The following CTNNA2 variants were observed in gnomAD, a reference collection of about 807,000 sequenced individuals.
The protein encoded by CTNNA2 is catenin alpha 2.
A neutral mutation model predicts 101.0 loss-of-function variants in CTNNA2; 42 were observed. The observed-to-expected ratio is 0.42, with a 90% CI of 0.32 to 0.54. The LOEUF is 0.54. Ranked by LOEUF, CTNNA2 falls within the 20% of genes least tolerant of loss-of-function variation. The pLI is 0.14. For missense variants in CTNNA2, 871 were observed against 1,223.1 expected (o/e 0.71, Z 4.29); for synonymous variants, 450 against 456.4 (o/e 0.99, Z 0.18).
chr2:80,573,555 T>C (rs1407158114), intron 12 of CTNNA2, among the ~76,000 whole-genome samples: 1 of 151,972 alleles, frequency 6.6e-6, no homozygotes, highest in African/African-American at 2.4e-5. Context: ...CCCCCATGTC[T>C]CAAGTCCAGC....
chr2:79,622,313 C>T (rs1049857339), intron 1 of CTNNA2, among the ~76,000 whole-genome samples: 2 of 152,072 alleles, frequency 1.3e-5, no homozygotes, highest in African/African-American at 4.8e-5. Context: ...ATATTTCTTC[C>T]TTTTACATGG....
At chr2:79,704,506 G>T (rs1317874416) in intron 2 of CTNNA2, among the ~76,000 whole-genome samples, 1 of 147,226 alleles carries the variant, frequency 6.8e-6, no homozygotes, top group Non-Finnish European at 1.5e-5. Context: ...ATTCACTTGT[G>T]CTTCTTTTTT....
intron 7 of CTNNA2, among the ~76,000 whole-genome samples, chr2:80,129,015 A>G (rs1391021179): frequency 6.6e-6 from 1 of 152,232 alleles, no homozygotes; most frequent in Non-Finnish European, 1.5e-5. Context: ...CACTTCAAAG[A>G]AAGTATGAAG....
At chr2:80,400,876 C>T (rs1333995958) in intron 8 of CTNNA2, among the ~76,000 whole-genome samples, 1 of 152,274 alleles carries the variant, frequency 6.6e-6, no homozygotes, top group East Asian at 1.9e-4. Context: ...CTCCTGGTAG[C>T]TCCTAGACCC....
Position 80,230,260 on chromosome 2 carries a change from G to GTTTTT in CTNNA2, c.1057-162938_1057-162934dup, listed in dbSNP as rs375509574. 6.9e-3 allele frequency among the ~76,000 whole-genome samples: 834 copies of GTTTTT among 121,580 alleles called. 21 individuals are homozygous for GTTTTT. The highest frequency in any genetic ancestry group is 0.026 in the African/African-American group (793 of 30,360). The allele number at this position is 121,580 out of a possible 152,430, so 79.8% of individuals were successfully genotyped here. On this transcript the variant is annotated intron_variant, in intron 7 of 18. Coordinates refer to ENST00000402739, the MANE Select transcript of CTNNA2 (RefSeq NM_001282597.3). The stretch of plus-strand genomic sequence containing the variant: ...TCTCTCTCTCTCTTTTTTTTTCTTT[G>GTTTTT]TTTTTTTTTTTTTTTTTAAGAGATA...
chr2:80,633,560 C>A (rs1011076760), intron 18 of CTNNA2, among the ~76,000 whole-genome samples: 1 of 152,056 alleles, frequency 6.6e-6, no homozygotes, highest in East Asian at 1.9e-4. Flanking sequence ...CATCAATAGC[C>A]AGGAATAAAG....
At chr2:80,220,710 G>T (rs1708525896) in intron 7 of CTNNA2, among the ~76,000 whole-genome samples, 1 of 152,132 alleles carries the variant, frequency 6.6e-6, no homozygotes, top group Non-Finnish European at 1.5e-5. Context: ...GCTGGTGTAG[G>T]AGCCCACCAT....
intron 3 of CTNNA2, among the ~76,000 whole-genome samples, chr2:79,753,824 T>C (rs994426471): frequency 1.3e-5 from 2 of 152,000 alleles, no homozygotes; most frequent in Non-Finnish European, 1.5e-5. Flanking sequence ...TGAAGTGATA[T>C]GGTGATATCA....
chr2:79,983,696 C>G (rs1691555373), intron 7 of CTNNA2, among the ~76,000 whole-genome samples: 1 of 152,124 alleles, frequency 6.6e-6, no homozygotes, highest in Non-Finnish European at 1.5e-5. Context: ...CTGTGTCTCT[C>G]TTGTATTTCC....
chr2:79,198,968 C>A (rs1327045715), intron 2 of CTNNA2, among the ~76,000 whole-genome samples: 1 of 152,122 alleles, frequency 6.6e-6, no homozygotes, highest in Admixed American at 6.6e-5. Context: ...ATTTTTGTTT[C>A]ATTAACATTG....
chr2:79,976,916 C>G (rs146223678), intron 7 of CTNNA2, among the ~76,000 whole-genome samples: 188 of 152,220 alleles, frequency 1.2e-3, no homozygotes, highest in Middle Eastern at 0.01. Context: ...GGCTTCCTGC[C>G]TTTCAGTGAT....
chr2:79,844,745 T>G (rs773444373), intron 3 of CTNNA2, among the ~76,000 whole-genome samples: 18 of 152,174 alleles, frequency 1.2e-4, no homozygotes, highest in Non-Finnish European at 2.5e-4. Context: ...ACTTGAACTA[T>G]TGATGCAGGC....
At position 80,559,878 on chromosome 2, in the gene CTNNA2, T is replaced by TATCTATCTATCTATCTATATA. The variant is rs1693393440; in HGVS notation, c.1741+3985_1741+3986insATCTATCTATCTATCTATATA. ...GAAAGCACATTCAGCGATATCATAT[T>TATCTATCTATCTATCTATATA]TATATATATATATACACACACATAC... On this transcript the variant is annotated intron_variant, in intron 12 of 18. Coordinates refer to ENST00000402739, the MANE Select transcript of CTNNA2 (RefSeq NM_001282597.3). Among the ~76,000 whole-genome samples, 17 of 114,016 alleles carry TATCTATCTATCTATCTATATA rather than the reference T, an allele frequency of 1.5e-4. 1 individual carries two copies. The highest frequency in any genetic ancestry group is 4.8e-4 in the African/African-American group (16 of 33,130). The allele number at this position is 114,016 out of a possible 152,430, so 74.8% of individuals were successfully genotyped here. A position where few individuals can be genotyped will look rare whatever the true frequency, so the allele number is the denominator to read the frequency against.
At chr2:80,561,166 T>G (rs1449944405) in intron 12 of CTNNA2, among the ~76,000 whole-genome samples, 1 of 152,050 alleles carries the variant, frequency 6.6e-6, no homozygotes, top group Non-Finnish European at 1.5e-5. Flanking sequence ...AGTATGAGAT[T>G]GATGTCAGAA....
At chr2:79,262,379 TTAAA>T (rs1346694940) in intron 2 of CTNNA2, among the ~76,000 whole-genome samples, 1 of 152,034 alleles carries the variant, frequency 6.6e-6, no homozygotes, top group African/African-American at 2.4e-5. Context: ...CAATTTCAAG[TTAAA>T]TAATATCAAT....
intron 9 of CTNNA2, among the ~76,000 whole-genome samples, chr2:80,508,439 C>T (rs1225934529): frequency 6.6e-6 from 1 of 152,164 alleles, no homozygotes; most frequent in African/African-American, 2.4e-5. Context: ...TAGCCCAGAT[C>T]TCACATTGTA....
At chr2:79,376,508 A>C (rs946226738) in intron 4 of CTNNA2, among the ~76,000 whole-genome samples, 1 of 143,372 alleles carries the variant, frequency 7.0e-6, no homozygotes, top group African/African-American at 2.6e-5. Context: ...ATTATACTTT[A>C]AGTTTTAGGG....
chr2:79,381,158 G>A (rs1229331576), intron 4 of CTNNA2, among the ~76,000 whole-genome samples: 2 of 152,144 alleles, frequency 1.3e-5, no homozygotes, highest in African/African-American at 4.8e-5. Flanking sequence ...CAGTGAGTAA[G>A]TAGAAGAACT....
intron 7 of CTNNA2, among the ~76,000 whole-genome samples, chr2:79,974,611 C>G (rs1690708759): frequency 6.6e-6 from 1 of 152,050 alleles, no homozygotes; most frequent in Non-Finnish European, 1.5e-5. Context: ...GATATTTTTT[C>G]TAATATTATT....
Sources: gnomAD v4.1 joint callset for allele counts (sites outside exome capture counted in the v4.1 genomes callset) on GRCh38, gnomAD v4.1.1 for gene constraint, MANE v1.5 for transcripts, NCBI Gene and HGNC (gene_info 2026-07-23, HGNC 2026-07-21) for gene names.